GINM1: variants seen among roughly 807,000 people sequenced by gnomAD.
The protein encoded by GINM1 is glycoprotein integral membrane protein 1.
Under a neutral mutation model 37.8 loss-of-function variants are expected in GINM1, and 29 were observed. That is an observed-to-expected ratio of 0.77 (90% CI 0.57 to 1.05). The LOEUF (loss-of-function observed/expected upper bound fraction) is 1.05, where lower values mean the gene tolerates loss of function less well. Ranked by LOEUF, GINM1 falls within the 50% of genes least tolerant of loss-of-function variation. The probability of loss-of-function intolerance (pLI) is 0.00; values close to 1 mark genes in which losing one functional copy is unlikely to be tolerated. For missense variants in GINM1, 377 were observed against 397.9 expected (o/e 0.95, Z 0.45); for synonymous variants, 143 against 146.2 (o/e 0.98, Z 0.16).
intron 2 of GINM1, 35 bp downstream of exon 2, chr6:149,572,379 A>C (rs1777840554): frequency 7.0e-7 from 1 of 1,431,902 alleles, no homozygotes; most frequent in Admixed American, 2.0e-5. Context: ...TATATAATTT[A>C]GCTAAGTGCT....
intron 1 of GINM1, among the ~76,000 whole-genome samples, chr6:149,570,303 G>C (rs1421740864): frequency 6.6e-6 from 1 of 150,486 alleles, no homozygotes. Flanking sequence ...GCTGTTAGAA[G>C]AATAATAGTT....
rs2115059546 is a variant in GINM1 at position 149,578,864 on chromosome 6, T to G, written c.320T>G (p.Phe107Cys). Residue 107 changes from phenylalanine (F) to cysteine (C), a missense_variant, in exon 4 of 8, where the codon TTT (phenylalanine) becomes TGT (cysteine). Coordinates refer to ENST00000367419, the MANE Select transcript of GINM1 (RefSeq NM_138785.5). ...NLENLEEKEY[F>C]GIVSVRILVH... ...GAAAATTTGGAGGAAAAAGAATATT[T>G]TGGAATTGTCAGTGTAAGGATTTTA... The G allele has an allele frequency of 6.3e-7, 1 of 1,592,350 alleles. No individual in the cohort carries two copies. The highest frequency in any genetic ancestry group is 1.1e-5 in the South Asian group (1 of 87,702).
At chr6:149,573,185 A>G (rs1777857104) in intron 3 of GINM1, among the ~76,000 whole-genome samples, 1 of 152,048 alleles carries the variant, frequency 6.6e-6, no homozygotes, top group Non-Finnish European at 1.5e-5. Flanking sequence ...TGCGCCTGTA[A>G]TCCCAGCTAC....
chr6:149,590,689 A>T, intron 7 of GINM1, 38 bp from the exon 8 acceptor site: 1 of 1,076,400 alleles, frequency 9.3e-7, no homozygotes, highest in Non-Finnish European at 1.4e-6. Flanking sequence ...CAGAGGAAAC[A>T]TTTAATTTTG....
At chr6:149,583,563 A>G (rs1270635411) in intron 7 of GINM1, among the ~76,000 whole-genome samples, 1 of 148,796 alleles carries the variant, frequency 6.7e-6, no homozygotes, top group African/African-American at 2.5e-5. Flanking sequence ...CGGAAGGCGG[A>G]GGTTGTGGTG....
At chr6:149,581,611 G>A (rs1778003271) in intron 6 of GINM1, among the ~76,000 whole-genome samples, 1 of 152,064 alleles carries the variant, frequency 6.6e-6, no homozygotes, top group Non-Finnish European at 1.5e-5. Flanking sequence ...AAATAAGTTG[G>A]GTACTACATA....
intron 7 of GINM1, chr6:149,584,673 T>C (rs1017424004): frequency 1.3e-5 from 2 of 152,178 alleles, no homozygotes; most frequent in African/African-American, 4.8e-5. Flanking sequence ...TCAGATTTTT[T>C]TGGAATTTTG....
At chr6:149,567,149 GC>G (rs1446251564) in intron 1 of GINM1, among the ~76,000 whole-genome samples, 1 of 152,184 alleles carries the variant, frequency 6.6e-6, no homozygotes, top group Non-Finnish European at 1.5e-5. Flanking sequence ...GCCTCTGGGG[GC>G]GGGGCCCAGC....
chr6:149,588,829 A>G (rs1184429308), intron 7 of GINM1, among the ~76,000 whole-genome samples: 1 of 151,814 alleles, frequency 6.6e-6, no homozygotes, highest in Non-Finnish European at 1.5e-5. Context: ...GTTGAGACAC[A>G]GTCTTGCTCT....
chr6:149,572,641 T>G, intron 3 of GINM1, 38 bp downstream of exon 3: 1 of 1,183,678 alleles, frequency 8.4e-7, no homozygotes, highest in Non-Finnish European at 1.3e-6. Context: ...TTGCTCTGTT[T>G]TTTGTGTGTT....
Position 149,566,866 on chromosome 6 carries a change from C to T in GINM1, c.120+332C>T, listed in dbSNP as rs1777727412. ...GATCAGGCCTTCGTAATGGCGCCTT[C>T]CCGGGGTAGAGCCAGCGCTTGGGCA... is the stretch of plus-strand genomic sequence containing the variant. On this transcript the variant is annotated intron_variant, in intron 1 of 7. Coordinates refer to ENST00000367419, the MANE Select transcript of GINM1 (RefSeq NM_138785.5). The surrounding 1 kb of genome is among the most constrained non-coding windows in gnomAD (Gnocchi z 4.4). Among the ~76,000 whole-genome samples the T allele has an allele frequency of 6.6e-6, 1 of 152,252 alleles. No individual in the cohort carries two copies. The highest frequency in any genetic ancestry group is 6.5e-5 in the Admixed American group (1 of 15,290).
At chr6:149,573,935 T>C in intron 3 of GINM1, among the ~76,000 whole-genome samples, 1 of 151,896 alleles carries the variant, frequency 6.6e-6, no homozygotes, top group African/African-American at 2.4e-5. Flanking sequence ...CAGTAGAACA[T>C]TTTCTTTTTA....
chr6:149,580,226 A>C (rs1430829902), intron 5 of GINM1, among the ~76,000 whole-genome samples: 1 of 152,238 alleles, frequency 6.6e-6, no homozygotes, highest in Admixed American at 6.5e-5. Context: ...GAATGTGATC[A>C]GTGCTGGTTG....
intron 3 of GINM1, among the ~76,000 whole-genome samples, chr6:149,578,371 A>G (rs886072446): frequency 4.6e-5 from 7 of 151,956 alleles, no homozygotes; most frequent in Admixed American, 6.6e-5. Flanking sequence ...CTAAAAATAC[A>G]AAAAAACAGC....
intron 7 of GINM1, among the ~76,000 whole-genome samples, chr6:149,584,965 A>G (rs1778048280): frequency 6.6e-6 from 1 of 151,816 alleles, no homozygotes; most frequent in Non-Finnish European, 1.5e-5. Context: ...CTGGCCAAGC[A>G]TTTTCTTTAA....
Position 149,582,503 on chromosome 6 carries a change from C to G in GINM1, c.781C>G (p.Pro261Ala). The G allele has an allele frequency of 6.2e-7, 1 of 1,612,606 alleles. No homozygotes were observed. Among genetic ancestry groups the G allele is most frequent in the Non-Finnish European group, 8.5e-7 (1 of 1,179,612 alleles). The change falls in exon 7 of 8, where the codon CCA (proline) becomes GCA (alanine). Residue 261 changes from proline (P) to alanine (A), a missense_variant. Transcript: ENST00000367419. ...DLCRFWSNVF[P>A]VFFQFLNIMV... Reference sequence around the variant, plus strand: ...GTGTAGGTTCTGGAGCAACGTTTTCCCAGTATTCTTTCAGTTTTTGAACAT... The same window carrying G: ...GTGTAGGTTCTGGAGCAACGTTTTCGCAGTATTCTTTCAGTTTTTGAACAT...
At chr6:149,576,659 A>C (rs1777919231) in intron 3 of GINM1, among the ~76,000 whole-genome samples, 1 of 152,222 alleles carries the variant, frequency 6.6e-6, no homozygotes, top group Admixed American at 6.5e-5. Context: ...ACTAGTCACT[A>C]GGTCCAGCCC....
At chr6:149,583,364 G>A (rs1004508779) in intron 7 of GINM1, among the ~76,000 whole-genome samples, 6 of 152,192 alleles carry the variant, frequency 3.9e-5, no homozygotes, top group Non-Finnish European at 5.9e-5. Context: ...TCAGGAGGCT[G>A]AGGCAGGAGA....
At chr6:149,575,280 T>C (rs1777897100) in intron 3 of GINM1, among the ~76,000 whole-genome samples, 1 of 152,250 alleles carries the variant, frequency 6.6e-6, no homozygotes, top group African/African-American at 2.4e-5. Context: ...TTTCTTTCAG[T>C]ACAGGTTTGT....
Sources: allele counts gnomAD v4.1 joint callset (sites outside exome capture counted in the v4.1 genomes callset), GRCh38; gene constraint gnomAD v4.1.1; non-coding constraint Gnocchi (gnomAD v3.1); transcripts MANE v1.5; gene names NCBI Gene and HGNC (gene_info 2026-07-23, HGNC 2026-07-21).